Variants in NHSL1 observed in about 807,000 individuals in gnomAD.
NHSL1 encodes the protein NHS-like protein 1.
A neutral mutation model predicts 95.0 loss-of-function variants in NHSL1; 48 were observed. The ratio of observed to expected loss-of-function variants is 0.51; its 90% CI spans 0.40 to 0.64. The LOEUF (loss-of-function observed/expected upper bound fraction) is 0.64, where lower values mean the gene tolerates loss of function less well. Ranked by LOEUF, NHSL1 falls within the 30% of genes least tolerant of loss-of-function variation. NHSL1 has a pLI of 0.00. For synonymous variants in NHSL1, 783 were observed against 833.9 expected, an observed-to-expected ratio of 0.94 and a Z score of 1.05; for missense variants, 1,971 against 2,077.7, an observed-to-expected ratio of 0.95 and a Z score of 1.00.
chr6:138,467,486 T>C (rs564017652), intron 3 of NHSL1, among the ~76,000 whole-genome samples: 45 of 152,274 alleles, frequency 3.0e-4, no homozygotes, highest in African/African-American at 1.0e-3. Flanking sequence ...TATTCCTACT[T>C]ATGAAAAAAA....
chr6:138,648,971 TTAATG>T (rs1785054082), intron 1 of NHSL1, among the ~76,000 whole-genome samples: 1 of 152,200 alleles, frequency 6.6e-6, no homozygotes, highest in South Asian at 2.1e-4. Context: ...ATATACCTTT[TTAATG>T]TAACTTGTTT....
upstream of NHSL1, chr6:138,499,560 A>G: frequency 2.0e-6 from 1 of 505,350 alleles, no homozygotes; most frequent in Non-Finnish European, 3.0e-6. Context: ...GCGCTGAAAG[A>G]AAGAGAAAGC....
At chr6:138,588,704 T>C (rs1046276426) in intron 1 of NHSL1, among the ~76,000 whole-genome samples, 3 of 152,236 alleles carry the variant, frequency 2.0e-5, no homozygotes, top group Non-Finnish European at 2.9e-5. Context: ...CGTGTTGTTG[T>C]TATTAAATTT....
intron 1 of NHSL1, among the ~76,000 whole-genome samples, chr6:138,640,756 T>C (rs1333837070): frequency 6.6e-6 from 1 of 152,164 alleles, no homozygotes; most frequent in Admixed American, 6.5e-5. Flanking sequence ...GATTTTCAAA[T>C]GTACAAGGTT....
chr6:138,677,579 G>A (rs554836903), intron 1 of NHSL1, among the ~76,000 whole-genome samples: 1 of 152,282 alleles, frequency 6.6e-6, no homozygotes, highest in East Asian at 1.9e-4. Context: ...AGCCTTTAAA[G>A]TACTGTCCTG....
intron 1 of NHSL1, among the ~76,000 whole-genome samples, chr6:138,682,711 C>T (rs377683113): frequency 1.4e-4 from 21 of 152,256 alleles, no homozygotes; most frequent in African/African-American, 4.3e-4. Context: ...ATGGGTGTTT[C>T]CCAAATTCGC....
Position 138,445,282 on chromosome 6 carries a change from T to C in NHSL1, c.532+1719A>G, listed in dbSNP as rs573666829. On this transcript the variant is annotated intron_variant, in intron 4 of 7. Coordinates refer to ENST00000343505, the MANE Select transcript of NHSL1 (RefSeq NM_001144060.2). The stretch of plus-strand genomic sequence containing the variant: ...TTCATAGGCACTTAATTATATATAA[T>C]GTAATTACATTTCTGCTGCATTTAA... 2.6e-5 allele frequency among the ~76,000 whole-genome samples: 4 copies of C among 152,244 alleles called. No individual in the cohort carries two copies. The South Asian group carries it at 6.2e-4, about 24-fold the overall frequency.
chr6:138,592,078 T>G (rs79461151), intron 1 of NHSL1, among the ~76,000 whole-genome samples: 1,772 of 152,276 alleles, frequency 0.012, 26 homozygotes, highest in African/African-American at 0.041. Context: ...TGCATTCTCA[T>G]AGCTATAATC....
At chr6:138,478,054 C>T (rs374443607) in intron 2 of NHSL1, among the ~76,000 whole-genome samples, 346 of 34,300 alleles carry the variant, frequency 0.01, no homozygotes, top group African/African-American at 0.025. Flanking sequence ...GACTGAGTTT[C>T]GCTTTTTTTG....
intron 3 of NHSL1, among the ~76,000 whole-genome samples, chr6:138,466,486 C>CTTTCAATCCCAATCACCTCTA (rs1225106996): frequency 6.6e-6 from 1 of 152,218 alleles, no homozygotes; most frequent in Non-Finnish European, 1.5e-5. Flanking sequence ...CACCTCTATG[C>CTTTCAATCCCAATCACCTCTA]TGAGTAAGGC....
chr6:138,489,248 T>G (rs528986743), intron 2 of NHSL1, among the ~76,000 whole-genome samples: 1 of 152,210 alleles, frequency 6.6e-6, no homozygotes, highest in African/African-American at 2.4e-5. Flanking sequence ...AACTTCCACA[T>G]TGAGGGGCAG....
intron 3 of NHSL1, among the ~76,000 whole-genome samples, chr6:138,467,794 C>T (rs1263857081): frequency 6.6e-6 from 1 of 152,102 alleles, no homozygotes; most frequent in African/African-American, 2.4e-5. Flanking sequence ...TACAGCTATA[C>T]AATGTATTTA....
Position 138,431,793 on chromosome 6 carries a change from C to G in NHSL1, c.2552G>C (p.Gly851Ala). ...GGGTGTATTCGACTGGCTGGAATACCCACTGGATGGAGAAATGACTCTGTG... is the reference window on the plus strand; with the variant it reads ...GGGTGTATTCGACTGGCTGGAATACGCACTGGATGGAGAAATGACTCTGTG... ...KSHRVISPSS[G>A]YSSQSNTPTA... The change falls in exon 6 of 8, where the codon GGG becomes GCG. Residue 851 changes from glycine (G) to alanine (A), a missense_variant. By Grantham distance (60) the Gly-to-Ala change is moderately conservative (BLOSUM62 0). Around this residue, in one of 3 missense-constraint regions of NHSL1, gnomAD observed 1,602 missense variants for 1,654.5 expected, o/e 0.97. Coordinates refer to ENST00000343505, the MANE Select transcript of NHSL1 (RefSeq NM_001144060.2). The surrounding 1 kb of genome is among the most constrained non-coding windows in gnomAD (Gnocchi z 4.0). The G allele has an allele frequency of 6.4e-7, 1 of 1,551,604 alleles. No individual in the cohort carries two copies. Among genetic ancestry groups the G allele is most frequent in the Non-Finnish European group, 8.7e-7 (1 of 1,146,944 alleles).
chr6:138,433,402 G>A lies in NHSL1; in HGVS notation c.943C>T (p.Arg315Cys), dbSNP rs373187623. The change falls in exon 6 of 8, where the codon CGC becomes TGC. Residue 315 changes from arginine to cysteine, a missense_variant. Physicochemically the swap from Arg to Cys is radical, Grantham distance 180. Around this residue, in one of 3 missense-constraint regions of NHSL1, gnomAD observed 1,602 missense variants for 1,654.5 expected, o/e 0.97. Coordinates refer to ENST00000343505, the MANE Select transcript of NHSL1 (RefSeq NM_001144060.2). Reference protein sequence around the residue: ...SDSAGIVFPSRLDSDAGFHSL... With the variant: ...SDSAGIVFPSCLDSDAGFHSL... ...TGGAAGCCAGCATCACTGTCAAGGC[G>A]GGAAGGGAATACGATCCCTGCAGAA... 32 of 1,552,314 alleles carry A rather than the reference G, an allele frequency of 2.1e-5. No individual in the cohort carries two copies. The highest frequency in any genetic ancestry group is 4.4e-6 in the Non-Finnish European group (5 of 1,147,128).
intron 1 of NHSL1, among the ~76,000 whole-genome samples, chr6:138,683,513 T>A (rs1583479958): frequency 1.3e-5 from 2 of 152,356 alleles, no homozygotes; most frequent in Admixed American, 6.5e-5. Context: ...TTCTTGGCCA[T>A]CTGCTAGTAG....
chr6:138,551,963 G>C (rs1783020754), intron 1 of NHSL1, among the ~76,000 whole-genome samples: 1 of 152,084 alleles, frequency 6.6e-6, no homozygotes, highest in Admixed American at 6.5e-5. Flanking sequence ...CTGAATCCTG[G>C]GGTATTTTGT....
At chr6:138,560,251 C>T (rs1783361287) in intron 1 of NHSL1, among the ~76,000 whole-genome samples, 2 of 152,216 alleles carry the variant, frequency 1.3e-5, no homozygotes, top group African/African-American at 2.4e-5. Flanking sequence ...ACTGAATAAA[C>T]CAACACATTC....
chr6:138,594,576 C>T (rs1014986756), intron 1 of NHSL1, among the ~76,000 whole-genome samples: 16 of 152,042 alleles, frequency 1.1e-4, no homozygotes, highest in Non-Finnish European at 1.6e-4. Flanking sequence ...GATGTATGGG[C>T]CCATTGCCAA....
At chr6:138,448,506 C>T (rs921923169) in intron 3 of NHSL1, among the ~76,000 whole-genome samples, 4 of 152,148 alleles carry the variant, frequency 2.6e-5, no homozygotes, top group East Asian at 1.9e-4. Flanking sequence ...TCAATACACC[C>T]GCTACCCCAA....
Sources: gnomAD v4.1 joint callset for allele counts (sites outside exome capture counted in the v4.1 genomes callset) on GRCh38, gnomAD v4.1.1 for gene constraint, gnomAD v4.1.1 regional missense constraint, Gnocchi (gnomAD v3.1) non-coding constraint, MANE v1.5 for transcripts, NCBI Gene and HGNC (gene_info 2026-07-23, HGNC 2026-07-21) for gene names.